Variants in ZNF208 observed in about 807,000 individuals in gnomAD.
The protein encoded by ZNF208 is zinc finger protein 95.
Under a neutral mutation model 12.1 loss-of-function variants are expected in ZNF208, and 10 were observed. That is an observed-to-expected ratio of 0.83 (90% CI 0.51 to 1.40). The LOEUF (loss-of-function observed/expected upper bound fraction) is 1.40. ZNF208 is among the 40% of genes most tolerant of loss of function. The pLI, the probability that ZNF208 is intolerant of heterozygous loss-of-function variation, is 0.00. For missense variants in ZNF208, 1,652 were observed against 1,485.0 expected (o/e 1.11, Z -1.85); for synonymous variants, 497 against 488.4 (o/e 1.02, Z -0.23).
At chr19:21,942,006 C>T (rs1054400365) in intron 4 of ZNF208, among the ~76,000 whole-genome samples, 28 of 152,060 alleles carry the variant, frequency 1.8e-4, no homozygotes, top group African/African-American at 6.8e-4. Flanking sequence ...GACATTAATA[C>T]CTCTACATTT....
intron 4 of ZNF208, among the ~76,000 whole-genome samples, chr19:21,954,416 C>T (rs1011860798): frequency 1.3e-5 from 2 of 152,128 alleles, no homozygotes; most frequent in Non-Finnish European, 2.9e-5. Context: ...ACTGATCTGT[C>T]TAATGTTGAG....
rs763775354 is a variant in ZNF208 at position 21,971,342 on chromosome 19, C to A, written c.3692G>T (p.Gly1231Val). The change falls in exon 4 of 4, where the codon GGC becomes GTC. Residue 1231 changes from glycine to valine, a missense_variant. Physicochemically the swap from Gly to Val is moderately radical, Grantham distance 109 (BLOSUM62 -3). Coordinates refer to ENST00000397126, the MANE Select transcript of ZNF208 (RefSeq NM_007153.3). ...GATTGAGAACGTACTAAAGGCTTTGCCACATTCTTCACATTTGTAGGGTTT... is the reference window on the plus strand; with the variant it reads ...GATTGAGAACGTACTAAAGGCTTTGACACATTCTTCACATTTGTAGGGTTT... ...GEKPYKCEECGKAFSTFSILT... is the reference protein window; with the variant it reads ...GEKPYKCEECVKAFSTFSILT... 1 of 1,610,836 alleles carries A rather than the reference C, an allele frequency of 6.2e-7. No homozygotes were observed. Among genetic ancestry groups the A allele is most frequent in the Admixed American group, 1.7e-5 (1 of 59,842 alleles).
chr19:21,982,868 A>G (rs1183313760), intron 3 of ZNF208, among the ~76,000 whole-genome samples: 1 of 152,226 alleles, frequency 6.6e-6, no homozygotes, highest in Non-Finnish European at 1.5e-5. Context: ...TTAACTCAAG[A>G]TGGATTGAAG....
At chr19:21,954,824 G>C (rs988735615) in intron 4 of ZNF208, among the ~76,000 whole-genome samples, 15 of 152,122 alleles carry the variant, frequency 9.9e-5, no homozygotes, top group Non-Finnish European at 4.4e-5. Flanking sequence ...GGAGCACTTA[G>C]CCCATTTACA....
chr19:21,973,156 T>G lies in ZNF208; in HGVS notation c.1878A>C (p.Thr626=). Residue 626 remains threonine (T), a synonymous_variant, in exon 4 of 4, where the codon ACA becomes ACC. Coordinates refer to ENST00000397126, the MANE Select transcript of ZNF208 (RefSeq NM_007153.3). ...TCTCTCCAGCATGAATTGCCTTATG[T>G]GTAGTAAGGGTTGAGACCTTACTAA... The part of the protein sequence containing the change: ...KTFSKVSTLT[T]HKAIHAGEKP... 6.2e-7 allele frequency: 1 copy of G among 1,613,492 alleles called. No individual in the cohort carries two copies. Among genetic ancestry groups the G allele is most frequent in the Non-Finnish European group, 8.5e-7 (1 of 1,179,804 alleles).
chr19:21,979,664 T>C (rs1384774217), intron 3 of ZNF208, among the ~76,000 whole-genome samples: 1 of 152,160 alleles, frequency 6.6e-6, no homozygotes, highest in Non-Finnish European at 1.5e-5. Flanking sequence ...ATGAAGAAAC[T>C]GCATCAACTA....
intron 4 of ZNF208, chr19:21,941,668 C>G (rs1369581747): frequency 8.9e-6 from 3 of 338,068 alleles, no homozygotes; most frequent in Admixed American, 4.8e-5. Flanking sequence ...TTGAATTGTT[C>G]AAAGTAAGTA....
chr19:21,981,501 A>G (rs766027893), intron 3 of ZNF208, among the ~76,000 whole-genome samples: 1 of 152,192 alleles, frequency 6.6e-6, no homozygotes, highest in African/African-American at 2.4e-5. Flanking sequence ...CTTCAACAAA[A>G]TTGAACAGCC....
intron 1 of ZNF208, chr19:21,997,862 C>T (rs939919315): frequency 2.6e-5 from 4 of 151,994 alleles, no homozygotes; most frequent in Admixed American, 1.3e-4. Flanking sequence ...ACAGACACCA[C>T]GGGATACTAA....
chr19:22,007,150 A>C (rs182798247), intron 1 of ZNF208, among the ~76,000 whole-genome samples: 123 of 152,226 alleles, frequency 8.1e-4, no homozygotes, highest in East Asian at 2.3e-3. Context: ...TGGAAGAAAA[A>C]TTTTTATTTT....
intron 1 of ZNF208, among the ~76,000 whole-genome samples, chr19:21,994,226 C>G (rs529837901): frequency 3.9e-5 from 6 of 152,030 alleles, no homozygotes; most frequent in Non-Finnish European, 7.4e-5. Flanking sequence ...TCTGGAGGAA[C>G]AGAAAACAAG....
chr19:21,961,616 G>A (rs778234080), downstream of ZNF208, among the ~76,000 whole-genome samples: 19 of 152,070 alleles, frequency 1.2e-4, no homozygotes, highest in Admixed American at 2.6e-4. Flanking sequence ...GCATATTTCA[G>A]TCCTTATCTC....
chr19:21,989,022 T>G (rs773060641), intron 1 of ZNF208, 113 bp from the exon 2 acceptor site: 1 of 1,359,052 alleles, frequency 7.4e-7, no homozygotes. Flanking sequence ...TAAGCATGAC[T>G]GAAATTATTC....
At chr19:21,990,609 G>GT (rs1240877566) in intron 1 of ZNF208, among the ~76,000 whole-genome samples, 1 of 152,112 alleles carries the variant, frequency 6.6e-6, no homozygotes, top group Non-Finnish European at 1.5e-5. Context: ...TTTTAAAGTA[G>GT]TTTTTTCCAA....
At chr19:22,002,399 T>C (rs1970969444) in intron 1 of ZNF208, among the ~76,000 whole-genome samples, 1 of 152,016 alleles carries the variant, frequency 6.6e-6, no homozygotes, top group African/African-American at 2.4e-5. Flanking sequence ...AGAGAGGAAG[T>C]CAAACTATCC....
At chr19:21,950,908 T>C (rs1446331360) in intron 4 of ZNF208, among the ~76,000 whole-genome samples, 2 of 152,226 alleles carry the variant, frequency 1.3e-5, no homozygotes, top group East Asian at 3.9e-4. Context: ...GATGGTTATA[T>C]ACGTGTTTTG....
Position 21,973,526 on chromosome 19 carries a change from C to T in ZNF208, c.1508G>A (p.Gly503Asp). 3.1e-6 allele frequency: 5 copies of T among 1,612,880 alleles called. No individual in the cohort carries two copies. Among genetic ancestry groups the T allele is most frequent in the Non-Finnish European group, 4.2e-6 (5 of 1,179,766 alleles). Residue 503 changes from glycine to aspartate, a missense_variant, in exon 4 of 4, where the codon GGC (glycine) becomes GAC (aspartate). Transcript: ENST00000397126. Reference protein sequence around the residue: ...GEKPYKCEECGKAFNWSSNLM... With the variant: ...GEKPYKCEECDKAFNWSSNLM... ...GTTTGAGGACCAGTTGAAAGCTTTG[C>T]CACATTCTTCACATTTGTAGGGTTT...
chr19:21,959,806 A>G (rs748765474), intron 4 of ZNF208, among the ~76,000 whole-genome samples: 5 of 152,190 alleles, frequency 3.3e-5, no homozygotes, highest in Non-Finnish European at 5.9e-5. Flanking sequence ...ATAGAAAAAT[A>G]TATATCTACT....
At chr19:21,958,018 A>C (rs2145524183) in intron 4 of ZNF208, among the ~76,000 whole-genome samples, 1 of 151,728 alleles carries the variant, frequency 6.6e-6, no homozygotes, top group South Asian at 2.1e-4. Flanking sequence ...CCGGAGTGTG[A>C]TGTTTCCCTT....
Sources: gnomAD v4.1 joint callset for allele counts (sites outside exome capture counted in the v4.1 genomes callset) on GRCh38, gnomAD v4.1.1 for gene constraint, MANE v1.5 for transcripts, NCBI Gene and HGNC (gene_info 2026-07-23, HGNC 2026-07-21) for gene names.